TEK: variants seen among roughly 807,000 people sequenced by gnomAD.
TEK encodes angiopoietin-1 receptor.
In TEK, 43 loss-of-function variants were observed where a neutral mutation model predicts 131.8. The ratio of observed to expected loss-of-function variants is 0.33; its 90% CI spans 0.26 to 0.42. The LOEUF is 0.42. TEK is among the 10% of genes least tolerant of loss of function. The probability of loss-of-function intolerance (pLI) is 1.00; values close to 1 mark genes in which losing one functional copy is unlikely to be tolerated. For synonymous variants in TEK, 580 were observed against 491.6 expected, an observed-to-expected ratio of 1.18 and a Z score of -2.38; for missense variants, 1,162 against 1,384.4, an observed-to-expected ratio of 0.84 and a Z score of 2.55.
intron 7 of TEK, 137 bp downstream of exon 7, chr9:27,180,505 C>T: frequency 1.6e-6 from 2 of 1,262,232 alleles, no homozygotes; most frequent in East Asian, 5.2e-5. Flanking sequence ...ATAGTTTATC[C>T]TAAATCCTAA....
chr9:27,140,829 G>A (rs1822698396), intron 1 of TEK, among the ~76,000 whole-genome samples: 1 of 152,050 alleles, frequency 6.6e-6, no homozygotes, highest in South Asian at 2.1e-4. Flanking sequence ...ATACATAGCT[G>A]TTATGCCTCT....
At chr9:27,168,430 G>T (rs1166504590) in intron 2 of TEK, 65 bp from the exon 3 acceptor site, 1 of 1,295,384 alleles carries the variant, frequency 7.7e-7, no homozygotes, top group Non-Finnish European at 1.1e-6. Context: ...GAGTCTCAAA[G>T]CTCAATTGCT....
intron 11 of TEK, among the ~76,000 whole-genome samples, chr9:27,193,328 G>A (rs1016236271): frequency 4.6e-5 from 7 of 152,202 alleles, no homozygotes; most frequent in African/African-American, 1.7e-4. Flanking sequence ...CAGAGTTTCG[G>A]ATTCAATGGT....
intron 12 of TEK, among the ~76,000 whole-genome samples, chr9:27,197,807 CT>C (rs1825083598): frequency 6.6e-6 from 1 of 152,144 alleles, no homozygotes. Flanking sequence ...CAGGTCTGTG[CT>C]AAAATTTACC....
rs781173340 is a variant in TEK at position 27,183,472 on chromosome 9, G to T, written c.1044G>T (p.Met348Ile). Residue 348 changes from methionine (M) to isoleucine (I), a missense_variant, in exon 8 of 23, where the codon ATG (methionine) becomes ATT (isoleucine). Met to Ile is a conservative substitution (Grantham distance 10). Transcript: ENST00000380036. ...LQCEREGIQR[M>I]TPKIVDLPDH... ...TTCTTCCTTCAGGCATACAGAGGATGACCCCAAAGATAGTGGATTTGCCAG... is the reference window on the plus strand; with the variant it reads ...TTCTTCCTTCAGGCATACAGAGGATTACCCCAAAGATAGTGGATTTGCCAG... 6.2e-7 allele frequency: 1 copy of T among 1,613,802 alleles called. No homozygotes were observed. Among genetic ancestry groups the T allele is most frequent in the South Asian group, 1.1e-5 (1 of 91,048 alleles).
At chr9:27,136,577 AGC>A (rs1334673897) in intron 1 of TEK, among the ~76,000 whole-genome samples, 1 of 152,190 alleles carries the variant, frequency 6.6e-6, no homozygotes, top group Non-Finnish European at 1.5e-5. Context: ...ATGGACATAC[AGC>A]CACAATCATA....
intron 1 of TEK, among the ~76,000 whole-genome samples, chr9:27,114,520 G>A (rs975779230): frequency 6.6e-6 from 1 of 151,788 alleles, no homozygotes; most frequent in Non-Finnish European, 1.5e-5. Flanking sequence ...GCAGTGAGCC[G>A]AGATTATGCC....
chr9:27,162,741 A>G (rs1397860363), intron 2 of TEK, among the ~76,000 whole-genome samples: 3 of 150,556 alleles, frequency 2.0e-5, no homozygotes, highest in African/African-American at 7.3e-5. Flanking sequence ...TTTTAGACGG[A>G]GTCTTGCTCT....
In TEK at chr9:27,169,530, C is replaced by T. The variant is rs1188288779; in HGVS notation, c.529C>T (p.His177Tyr). The T allele has an allele frequency of 6.2e-7, 1 of 1,614,172 alleles. No homozygotes were observed. Among genetic ancestry groups the T allele is most frequent in the Non-Finnish European group, 8.5e-7 (1 of 1,179,998 alleles). The stretch of plus-strand genomic sequence containing the variant: ...TGAAGTACCTGATATTCTAGAAGTA[C>T]ACCTGCCTCATGCTCAGCCCCAGGA... Reference protein sequence around the residue: ...RHEVPDILEVHLPHAQPQDAG... With the variant: ...RHEVPDILEVYLPHAQPQDAG... The change falls in exon 4 of 23, where the codon CAC (histidine) becomes TAC (tyrosine). Residue 177 changes from histidine (H) to tyrosine (Y), a missense_variant. His to Tyr is a moderately conservative substitution (Grantham distance 83). This residue lies in a region of TEK where 436 missense variants were observed against 539.1 expected (regional missense o/e 0.81). Coordinates refer to ENST00000380036, the MANE Select transcript of TEK (RefSeq NM_000459.5).
At chr9:27,184,023 C>T (rs558698239) in intron 8 of TEK, among the ~76,000 whole-genome samples, 59 of 152,268 alleles carry the variant, frequency 3.9e-4, no homozygotes, top group African/African-American at 1.2e-3. Context: ...TACGTGCTAC[C>T]AAGTGCAACC....
chr9:27,217,283 G>C (rs183861693), intron 18 of TEK, among the ~76,000 whole-genome samples: 670 of 152,208 alleles, frequency 4.4e-3, no homozygotes, highest in African/African-American at 0.015. Flanking sequence ...ATCATCTCCA[G>C]GCGTAGTTGT....
intron 1 of TEK, among the ~76,000 whole-genome samples, chr9:27,154,143 CTCTT>C (rs1271582640): frequency 2.0e-5 from 3 of 152,066 alleles, no homozygotes; most frequent in Admixed American, 6.6e-5. Context: ...TTTTCTCTCT[CTCTT>C]TCTGTCTCTC....
chr9:27,132,071 C>G (rs967765973), intron 1 of TEK, among the ~76,000 whole-genome samples: 1 of 147,080 alleles, frequency 6.8e-6, no homozygotes, highest in South Asian at 2.2e-4. Context: ...TTGGAGACAT[C>G]TTTTATTTTT....
At chr9:27,191,959 C>A in intron 10 of TEK, 1 of 455,646 alleles carries the variant, frequency 2.2e-6, no homozygotes, top group Non-Finnish European at 4.4e-6. Context: ...CTGACTAAAG[C>A]AAATAGGTAA....
chr9:27,190,562 T>C lies in TEK; in HGVS notation c.1361T>C (p.Ile454Thr), dbSNP rs1220853156. The part of the protein sequence containing the change: ...LPKPLNAPNV[I>T]DTGHNFAVIN... The stretch of plus-strand genomic sequence containing the variant: ...AAGCCCCTGAATGCCCCAAACGTGA[T>C]TGACACTGGACATAACTTTGCTGTC... Residue 454 changes from isoleucine (I) to threonine (T), a missense_variant, in exon 10 of 23, where the codon ATT (isoleucine) becomes ACT (threonine). By Grantham distance (89) the Ile-to-Thr change is moderately conservative. Transcript: ENST00000380036. 4.3e-6 allele frequency: 7 copies of C among 1,614,014 alleles called. No homozygotes were observed. Among genetic ancestry groups the C allele is most frequent in the South Asian group, 1.1e-5 (1 of 91,078 alleles).
At chr9:27,169,751 T>C in intron 4 of TEK, 122 bp downstream of exon 4, 1 of 1,323,606 alleles carries the variant, frequency 7.6e-7, no homozygotes, top group Non-Finnish European at 1.1e-6. Flanking sequence ...GGTTGGAGGT[T>C]GTATTAGTCT....
intron 19 of TEK, among the ~76,000 whole-genome samples, chr9:27,218,515 T>C (rs1825915340): frequency 6.6e-6 from 1 of 152,122 alleles, no homozygotes; most frequent in Non-Finnish European, 1.5e-5. Flanking sequence ...ACAAATTTCA[T>C]CTGTTTTGGA....
intron 14 of TEK, among the ~76,000 whole-genome samples, chr9:27,205,275 A>T (rs1587011804): frequency 6.6e-6 from 1 of 152,290 alleles, no homozygotes; most frequent in East Asian, 1.9e-4. Flanking sequence ...TTGAGAGTGA[A>T]AAGGGTGCTC....
chr9:27,124,175 A>G (rs1302847101), intron 1 of TEK, among the ~76,000 whole-genome samples: 1 of 152,246 alleles, frequency 6.6e-6, no homozygotes, highest in East Asian at 1.9e-4. Context: ...CAGCCTTACT[A>G]CTGTATCAGT....
Sources: gnomAD v4.1 joint callset for allele counts (sites outside exome capture counted in the v4.1 genomes callset) on GRCh38, gnomAD v4.1.1 for gene constraint, gnomAD v4.1.1 regional missense constraint, MANE v1.5 for transcripts, NCBI Gene and HGNC (gene_info 2026-07-23, HGNC 2026-07-21) for gene names.